Variants in NCOA2 observed in about 807,000 individuals in gnomAD.
NCOA2 encodes the protein nuclear receptor coactivator 2.
Under a neutral mutation model 145.1 loss-of-function variants are expected in NCOA2, and 21 were observed. That is an observed-to-expected ratio of 0.14 (90% CI 0.10 to 0.21). NCOA2 has a LOEUF of 0.21. NCOA2 is among the 10% of genes least tolerant of loss of function. NCOA2 has a pLI of 1.00. For synonymous variants in NCOA2, 619 were observed against 637.5 expected (o/e 0.97, Z 0.44); for missense variants, 1,472 against 1,837.6 (o/e 0.80, Z 3.64).
chr8:70,171,844 GACACAGTCTC>G (rs1228070287), intron 5 of NCOA2, among the ~76,000 whole-genome samples: 1 of 151,128 alleles, frequency 6.6e-6, no homozygotes, highest in Non-Finnish European at 1.5e-5. Flanking sequence ...TATTTTTTGA[GACACAGTCTC>G]ACTCTGTTGC....
chr8:70,314,942 A>T (rs1805470444), intron 1 of NCOA2, among the ~76,000 whole-genome samples: 1 of 152,108 alleles, frequency 6.6e-6, no homozygotes, highest in South Asian at 2.1e-4. Context: ...GGTTGATACC[A>T]CTCACTCCTA....
At chr8:70,174,720 AT>A (rs777812363) in intron 5 of NCOA2, 35 bp downstream of exon 5, 19 of 1,551,484 alleles carry the variant, frequency 1.2e-5, no homozygotes, top group Non-Finnish European at 1.6e-5. Context: ...GATCAACAAG[AT>A]TTTAAAATAC....
At chr8:70,446,208 T>G in the NCOA2 span, among the ~76,000 whole-genome samples, 1 of 152,146 alleles carries the variant, frequency 6.6e-6, no homozygotes, top group Admixed American at 6.5e-5. Flanking sequence ...GGCACTTCAA[T>G]TCGAGGACGG....
intron 2 of NCOA2, among the ~76,000 whole-genome samples, chr8:70,233,700 T>C (rs1821348219): frequency 6.6e-6 from 1 of 152,210 alleles, no homozygotes; most frequent in South Asian, 2.1e-4. Context: ...CTCTCCATTT[T>C]GTGGCTTTCA....
At chr8:70,302,969 T>C (rs796082139) in intron 1 of NCOA2, among the ~76,000 whole-genome samples, 5 of 152,340 alleles carry the variant, frequency 3.3e-5, no homozygotes, top group African/African-American at 1.2e-4. Context: ...GATCTCATTA[T>C]GCCCATTCCT....
At chr8:70,374,054 C>T (rs936453249) in intron 1 of NCOA2, among the ~76,000 whole-genome samples, 2 of 152,062 alleles carry the variant, frequency 1.3e-5, no homozygotes, top group Non-Finnish European at 2.9e-5. Context: ...TCACTCACTG[C>T]TGAATGGGGG....
chr8:70,242,032 A>G (rs1468823128), intron 2 of NCOA2, among the ~76,000 whole-genome samples: 1 of 152,110 alleles, frequency 6.6e-6, no homozygotes, highest in Non-Finnish European at 1.5e-5. Context: ...CTAAAAATAA[A>G]AAGGCTATTA....
chr8:70,443,968 C>T, the NCOA2 span, among the ~76,000 whole-genome samples: 4 of 152,164 alleles, frequency 2.6e-5, no homozygotes, highest in African/African-American at 4.8e-5. Flanking sequence ...TGCACACACG[C>T]GTGCTTGCAC....
At chr8:70,158,085 T>C (rs1812490073) in intron 10 of NCOA2, among the ~76,000 whole-genome samples, 1 of 152,250 alleles carries the variant, frequency 6.6e-6, no homozygotes, top group Admixed American at 6.5e-5. Context: ...GTTTCACAAA[T>C]TGTCAAACAT....
At chr8:70,205,532 CA>C (rs1818342933) in intron 4 of NCOA2, among the ~76,000 whole-genome samples, 1 of 151,894 alleles carries the variant, frequency 6.6e-6, no homozygotes, top group Admixed American at 6.6e-5. Flanking sequence ...CTATACACTA[CA>C]AACGCAGAAT....
chr8:70,173,222 G>A (rs989422224), intron 5 of NCOA2, among the ~76,000 whole-genome samples: 4 of 152,224 alleles, frequency 2.6e-5, no homozygotes, highest in South Asian at 4.1e-4. Context: ...TACAATTAAT[G>A]AACTCAGTCT....
the NCOA2 span, among the ~76,000 whole-genome samples, chr8:70,411,122 C>T: frequency 5.9e-5 from 9 of 151,988 alleles, no homozygotes; most frequent in South Asian, 1.9e-3. Context: ...AGGGAAGTTC[C>T]CCAGTATAAT....
intron 2 of NCOA2, among the ~76,000 whole-genome samples, chr8:70,279,928 A>C (rs1825750037): frequency 6.6e-6 from 1 of 152,226 alleles, no homozygotes; most frequent in Non-Finnish European, 1.5e-5. Flanking sequence ...GCCCTGAGCC[A>C]GTTGTAGCTT....
At chr8:70,193,425 A>T (rs1002249226) in intron 4 of NCOA2, among the ~76,000 whole-genome samples, 13 of 152,216 alleles carry the variant, frequency 8.5e-5, no homozygotes, top group African/African-American at 3.1e-4. Flanking sequence ...GTGAGGGAAA[A>T]AAAAGACTCC....
At chr8:70,439,925 T>C in the NCOA2 span, among the ~76,000 whole-genome samples, 1 of 152,120 alleles carries the variant, frequency 6.6e-6, no homozygotes, top group African/African-American at 2.4e-5. Context: ...TGCTCTGTGC[T>C]CAGTACCTCA....
At chr8:70,384,501 T>A (rs1812491765) in intron 1 of NCOA2, among the ~76,000 whole-genome samples, 2 of 152,222 alleles carry the variant, frequency 1.3e-5, no homozygotes, top group African/African-American at 4.8e-5. Context: ...CTGAGAAATC[T>A]AAATATAATC....
At chr8:70,194,612 A>T (rs1184010085) in intron 4 of NCOA2, among the ~76,000 whole-genome samples, 1 of 152,064 alleles carries the variant, frequency 6.6e-6, no homozygotes, top group African/African-American at 2.4e-5. Context: ...TATTCTGGCT[A>T]AATACCAAGA....
the NCOA2 span, among the ~76,000 whole-genome samples, chr8:70,432,390 G>A: frequency 1.3e-5 from 2 of 152,196 alleles, no homozygotes; most frequent in African/African-American, 4.8e-5. Flanking sequence ...GGCTGGACAC[G>A]GTGGCTCATG....
At chr8:70,424,547 C>G in the NCOA2 span, 1 of 527,640 alleles carries the variant, frequency 1.9e-6, no homozygotes, top group South Asian at 1.4e-5. Flanking sequence ...GCAAAATATG[C>G]TGGAATTTCT....
Sources: allele counts gnomAD v4.1 joint callset (sites outside exome capture counted in the v4.1 genomes callset), GRCh38; gene constraint gnomAD v4.1.1; transcripts MANE v1.5; gene names NCBI Gene and HGNC (gene_info 2026-07-23, HGNC 2026-07-21).